SMCR8: variants seen among roughly 807,000 people sequenced by gnomAD.
SMCR8 encodes the protein SMCR8-C9orf72 complex subunit, also known as guanine nucleotide exchange protein SMCR8.
A neutral mutation model predicts 56.6 loss-of-function variants in SMCR8; 30 were observed. The observed-to-expected ratio is 0.53, with a 90% CI of 0.40 to 0.72. The LOEUF is 0.72. SMCR8 is among the 30% of genes least tolerant of loss of function. The pLI is 0.00. For synonymous variants in SMCR8, 538 were observed against 456.0 expected, an observed-to-expected ratio of 1.18 and a Z score of -2.29; for missense variants, 1,198 against 1,157.0, an observed-to-expected ratio of 1.04 and a Z score of -0.51.
In SMCR8 at chr17:18,322,663, T is replaced by C. The variant is rs200281836; in HGVS notation, c.2407T>C (p.Tyr803His). 274 of 1,614,126 alleles carry C rather than the reference T, an allele frequency of 1.7e-4. No homozygotes were observed. The African/African-American group carries it at 3.1e-3, about 18-fold the overall frequency. ...CGGTACCCTCCATGCCCTGAGCCGC[T>C]ACAGCCGCTACACGAGCATCCTGGA... ...GAGTLHALSR[Y>H]SRYTSILDLD... Residue 803 changes from tyrosine to histidine, a missense_variant, in exon 2 of 2, where the codon TAC becomes CAC. Tyr to His is a moderately conservative substitution (Grantham distance 83). Transcript: ENST00000406438.
chr17:18,320,405 A>G (rs956242571), intron 1 of SMCR8, among the ~76,000 whole-genome samples: 32 of 152,182 alleles, frequency 2.1e-4, no homozygotes, highest in Admixed American at 2.1e-3. Context: ...AAGTGCCACC[A>G]TTGGGGCAGG....
chr17:18,321,975 A>AG (rs1982511344), intron 1 of SMCR8, among the ~76,000 whole-genome samples: 1 of 151,538 alleles, frequency 6.6e-6, no homozygotes, highest in Non-Finnish European at 1.5e-5. Context: ...TAAGTACAAG[A>AG]GAGAGAGGTT....
At chr17:18,318,559 A>G (rs1273512006) in intron 1 of SMCR8, among the ~76,000 whole-genome samples, 1 of 152,006 alleles carries the variant, frequency 6.6e-6, no homozygotes, top group Non-Finnish European at 1.5e-5. Context: ...GCCTGCCACC[A>G]CACCCGGCTA....
chr17:18,319,620 G>A (rs1251211011), intron 1 of SMCR8, among the ~76,000 whole-genome samples: 4 of 152,178 alleles, frequency 2.6e-5, no homozygotes, highest in African/African-American at 9.7e-5. Flanking sequence ...ACTCTGCCTG[G>A]AAATGCTTGT....
chr17:18,322,838 A>C lies in SMCR8; in HGVS notation c.2582A>C (p.Tyr861Ser), dbSNP rs766526116. Residue 861 changes from tyrosine to serine, a missense_variant, in exon 2 of 2, where the codon TAC becomes TCC. Transcript: ENST00000406438. ...CAGCTCTGCTCCAAGGCCTTCCTCT[A>C]CACCTTCTGCCACCACCTGCACCTG... ...LTQLCSKAFL[Y>S]TFCHHLHLPT... is the part of the protein sequence containing the mutation. 8 of 1,613,930 alleles carry C rather than the reference A, an allele frequency of 5.0e-6. No homozygotes were observed. Among genetic ancestry groups the C allele is most frequent in the Non-Finnish European group, 5.9e-6 (7 of 1,179,862 alleles).
Position 18,316,227 on chromosome 17 carries a change from C to T in SMCR8, c.438C>T (p.Ala146=). The T allele has an allele frequency of 6.2e-7, 1 of 1,613,788 alleles. No individual in the cohort carries two copies. Residue 146 remains alanine (A), a synonymous_variant, in exon 1 of 2, where the codon GCC becomes GCT. Coordinates refer to ENST00000406438, the MANE Select transcript of SMCR8 (RefSeq NM_144775.3). ...VHHLTLYDLE[A]RGFVRPFCMA... ...ACCTTACCCTATACGACCTGGAGGC[C>T]CGTGGCTTCGTGAGGCCGTTTTGCA...
Position 18,317,173 on chromosome 17 carries a change from A to G in SMCR8, c.1384A>G (p.Met462Val), listed in dbSNP as rs762116858. ...AAACTTGGACTACCTGGATATGGAT[A>G]TGAAAGGGAGTATCAGCAGTGGTGA... ...QENLDYLDMD[M>V]KGSISSGESI... The change falls in exon 1 of 2, where the codon ATG (methionine) becomes GTG (valine). Residue 462 changes from methionine to valine, a missense_variant. Transcript: ENST00000406438. 24 of 1,614,062 alleles carry G rather than the reference A, an allele frequency of 1.5e-5. No homozygotes were observed. Among genetic ancestry groups the G allele is most frequent in the Non-Finnish European group, 2.0e-5 (24 of 1,180,044 alleles).
chr17:18,320,127 C>G (rs1341940411), intron 1 of SMCR8, among the ~76,000 whole-genome samples: 1 of 152,226 alleles, frequency 6.6e-6, no homozygotes, highest in Non-Finnish European at 1.5e-5. Context: ...GTCAGAGGCC[C>G]TGGGTTGAGT....
In SMCR8 at chr17:18,323,140, A is replaced by T; in HGVS notation, c.*70A>T. 7.3e-7 allele frequency: 1 copy of T among 1,362,774 alleles called. No individual in the cohort carries two copies. The highest frequency in any genetic ancestry group is 2.3e-5 in the East Asian group (1 of 43,060). 84.4% of individuals were successfully genotyped at this position (1,362,774 alleles called of 1,614,324 possible). A position where few individuals can be genotyped will look rare whatever the true frequency, so the allele number is the denominator to read the frequency against. On this transcript the variant is annotated 3_prime_UTR_variant, in exon 2 of 2. Transcript: ENST00000406438. ...GGGGAGGGGAGGGGTTGGCATGACC[A>T]AACAGTTGCCTGAGCTGGACTGTTT...
rs770637656 is a variant in SMCR8 at position 18,323,008 on chromosome 17, C to G, written c.2752C>G (p.Pro918Ala). ...GAAGCTGCACTACATGCAGGAATCT[C>G]CAGGGACCAGCCACCCCATGCTCAG... Reference protein sequence around the residue: ...LLKLHYMQESPGTSHPMLRFD... With the variant: ...LLKLHYMQESAGTSHPMLRFD... Residue 918 changes from proline (P) to alanine (A), a missense_variant, in exon 2 of 2, where the codon CCA becomes GCA. Coordinates refer to ENST00000406438, the MANE Select transcript of SMCR8 (RefSeq NM_144775.3). The G allele has an allele frequency of 4.3e-6, 7 of 1,614,190 alleles. No individual in the cohort carries two copies. The highest frequency in any genetic ancestry group is 5.9e-6 in the Non-Finnish European group (7 of 1,180,034).
At position 18,315,728 on chromosome 17, in the gene SMCR8, C is replaced by A; in HGVS notation, c.-62C>A. The A allele has an allele frequency of 6.8e-7, 1 of 1,462,410 alleles. No homozygotes were observed. Among genetic ancestry groups the A allele is most frequent in the Non-Finnish European group, 9.2e-7 (1 of 1,085,012 alleles). 90.6% of individuals were successfully genotyped at this position (1,462,410 alleles called of 1,614,324 possible). On this transcript the variant is annotated 5_prime_UTR_variant, in exon 1 of 2. Coordinates refer to ENST00000406438, the MANE Select transcript of SMCR8 (RefSeq NM_144775.3). Reference sequence around the variant, plus strand: ...CTTCTCCGGAGGCCTGCCTTCTGCGCGTCGATTAACACCGCATTCTTTCCC... The same window carrying A: ...CTTCTCCGGAGGCCTGCCTTCTGCGAGTCGATTAACACCGCATTCTTTCCC...
chr17:18,318,881 A>G (rs1982414956), intron 1 of SMCR8, among the ~76,000 whole-genome samples: 1 of 152,238 alleles, frequency 6.6e-6, no homozygotes, highest in African/African-American at 2.4e-5. Context: ...GGAAAGGGTT[A>G]GGCTGCTGTC....
In SMCR8 at chr17:18,323,038, G is replaced by T. The variant is rs1439474133; in HGVS notation, c.2782G>T (p.Asp928Tyr). 1.9e-6 allele frequency: 3 copies of T among 1,613,886 alleles called. No individual in the cohort carries two copies. The highest frequency in any genetic ancestry group is 2.5e-6 in the Non-Finnish European group (3 of 1,179,946). Reference protein sequence around the residue: ...PGTSHPMLRFDYVPSFLYKI With the variant: ...PGTSHPMLRFYYVPSFLYKI ...GACCAGCCACCCCATGCTCAGGTTTGACTATGTCCCCAGCTTTTTGTATAA... is the reference window on the plus strand; with the variant it reads ...GACCAGCCACCCCATGCTCAGGTTTTACTATGTCCCCAGCTTTTTGTATAA... The change falls in exon 2 of 2, where the codon GAC (aspartate) becomes TAC (tyrosine). Residue 928 changes from aspartate (D) to tyrosine (Y), a missense_variant. Physicochemically the swap from Asp to Tyr is radical, Grantham distance 160. Coordinates refer to ENST00000406438, the MANE Select transcript of SMCR8 (RefSeq NM_144775.3).
In SMCR8 at chr17:18,316,641, C is replaced by T; in HGVS notation, c.852C>T (p.Thr284=). ...ATCAGGCCAGCCAGGCATCCACTAC[C>T]TCTAACCCTGATGAGTCTGCCGACA... ...IQDQASQAST[T]SNPDESADTD... Residue 284 remains threonine (T), a synonymous_variant, in exon 1 of 2, where the codon ACC becomes ACT. Transcript: ENST00000406438. 1 of 1,614,208 alleles carries T rather than the reference C, an allele frequency of 6.2e-7. No homozygotes were observed. Among genetic ancestry groups the T allele is most frequent in the Non-Finnish European group, 8.5e-7 (1 of 1,180,050 alleles).
At chr17:18,320,324 G>C (rs1434367243) in intron 1 of SMCR8, among the ~76,000 whole-genome samples, 4 of 152,218 alleles carry the variant, frequency 2.6e-5, no homozygotes, top group South Asian at 4.1e-4. Context: ...CGTGTCATCT[G>C]GCCTCCTGAG....
Position 18,316,751 on chromosome 17 carries a change from C to T in SMCR8, c.962C>T (p.Thr321Ile), listed in dbSNP as rs751199121. Residue 321 changes from threonine (T) to isoleucine (I), a missense_variant, in exon 1 of 2, where the codon ACC becomes ATC. Transcript: ENST00000406438. The part of the protein sequence containing the change: ...STKCFDKKLK[T>I]LEELCDTEYF... ...AAGTGTTTTGACAAGAAGTTGAAGA[C>T]CTTGGAGGAGCTCTGTGACACTGAA... is the stretch of plus-strand genomic sequence containing the variant. 1 of 1,614,174 alleles carries T rather than the reference C, an allele frequency of 6.2e-7. No individual in the cohort carries two copies. Among genetic ancestry groups the T allele is most frequent in the Non-Finnish European group, 8.5e-7 (1 of 1,180,038 alleles).
At chr17:18,321,357 G>A (rs1173482718) in intron 1 of SMCR8, among the ~76,000 whole-genome samples, 1 of 152,212 alleles carries the variant, frequency 6.6e-6, no homozygotes, top group Admixed American at 6.5e-5. Context: ...CAGATCAGGT[G>A]CAGTTCTGGG....
Position 18,316,525 on chromosome 17 carries a change from C to T in SMCR8, c.736C>T (p.His246Tyr). Residue 246 changes from histidine (H) to tyrosine (Y), a missense_variant, in exon 1 of 2, where the codon CAT becomes TAT. Transcript: ENST00000406438. The part of the protein sequence containing the change: ...LASVEKSIIE[H>Y]QDLLKQIRSY... ...CAGTGTGGAGAAGTCCATCATTGAACATCAAGACCTGCTGAAGCAGATCCG... is the reference window on the plus strand; with the variant it reads ...CAGTGTGGAGAAGTCCATCATTGAATATCAAGACCTGCTGAAGCAGATCCG... 10 of 1,614,132 alleles carry T rather than the reference C, an allele frequency of 6.2e-6. No homozygotes were observed. Among genetic ancestry groups the T allele is most frequent in the Non-Finnish European group, 8.5e-6 (10 of 1,180,040 alleles).
Position 18,316,865 on chromosome 17 carries a change from G to GAGCA in SMCR8, c.1077_1080dup (p.Leu361SerfsTer14). On this transcript the variant is annotated frameshift_variant, in exon 1 of 2. Transcript: ENST00000406438. LOFTEE classifies it high-confidence loss of function. ...TACCTCCTGACCAGTCAGATTGATA[G>GAGCA]AGCACTTCTAAAACAACAGCATATA... 1 of 1,614,216 alleles carries GAGCA rather than the reference G, an allele frequency of 6.2e-7. No homozygotes were observed. The highest frequency in any genetic ancestry group is 8.5e-7 in the Non-Finnish European group (1 of 1,180,046).
Sources: allele counts gnomAD v4.1 joint callset (sites outside exome capture counted in the v4.1 genomes callset), GRCh38; gene constraint gnomAD v4.1.1; transcripts MANE v1.5; gene names NCBI Gene and HGNC (gene_info 2026-07-23, HGNC 2026-07-21).